Variants in MBTPS1 observed in about 807,000 individuals in gnomAD.
MBTPS1 encodes membrane bound transcription factor peptidase, site 1.
In MBTPS1, 94 loss-of-function variants were observed where a neutral mutation model predicts 127.8. The ratio of observed to expected loss-of-function variants is 0.74; its 90% CI spans 0.62 to 0.87. The LOEUF (loss-of-function observed/expected upper bound fraction) is 0.87. MBTPS1 is among the 40% of genes least tolerant of loss of function. The pLI, the probability that MBTPS1 is intolerant of heterozygous loss-of-function variation, is 0.00. For synonymous variants in MBTPS1, 632 were observed against 509.4 expected, an observed-to-expected ratio of 1.24 and a Z score of -3.24; for missense variants, 1,636 against 1,353.2, an observed-to-expected ratio of 1.21 and a Z score of -3.28.
At chr16:84,110,892 T>G (rs939528019) in intron 1 of MBTPS1, 2 of 152,234 alleles carry the variant, frequency 1.3e-5, no homozygotes, top group African/African-American at 4.8e-5. Context: ...AGATACACAC[T>G]GCAAGATTAT....
Position 84,070,720 on chromosome 16 carries a change from G to C in MBTPS1, c.1650C>G (p.Ser550=), listed in dbSNP as rs374741991. Residue 550 remains serine (S), a synonymous_variant, in exon 13 of 23, where the codon TCC becomes TCG. Coordinates refer to ENST00000343411, the MANE Select transcript of MBTPS1 (RefSeq NM_003791.4). The part of the protein sequence containing the change: ...QNGDNIEVAF[S]YSSVLWPWSG... ...ACCAAGGCCATAAGACCGAGGAGTA[G>C]GAGAAGGCAACTTCAATGTTGTCTC... 44 of 1,613,994 alleles carry C rather than the reference G, an allele frequency of 2.7e-5. No individual in the cohort carries two copies. Among genetic ancestry groups the C allele is most frequent in the Non-Finnish European group, 3.6e-5 (43 of 1,180,020 alleles).
At chr16:84,092,505 C>T (rs76515762) in intron 6 of MBTPS1, among the ~76,000 whole-genome samples, 11 of 152,040 alleles carry the variant, frequency 7.2e-5, no homozygotes, top group East Asian at 1.9e-4. Flanking sequence ...AGAAATTCTA[C>T]GAGGAGGTAT....
chr16:84,092,671 A>C (rs1301668722), intron 6 of MBTPS1, among the ~76,000 whole-genome samples: 1 of 152,306 alleles, frequency 6.6e-6, no homozygotes, highest in South Asian at 2.1e-4. Flanking sequence ...ATAACGAAAA[A>C]AGAAACAAAT....
chr16:84,114,709 A>T (rs1462017505), intron 1 of MBTPS1, among the ~76,000 whole-genome samples: 1 of 151,682 alleles, frequency 6.6e-6, no homozygotes, highest in Non-Finnish European at 1.5e-5. Context: ...GGGCACCTGC[A>T]GTCCCGGCTA....
chr16:84,056,279 A>T lies in MBTPS1; in HGVS notation c.2832-144T>A, dbSNP rs1356246500. 17 of 622,316 alleles carry T rather than the reference A, an allele frequency of 2.7e-5. No individual in the cohort carries two copies. The South Asian group carries it at 3.8e-4, about 14-fold the overall frequency. 38.5% of individuals were successfully genotyped at this position (622,316 alleles called of 1,614,324 possible). On this transcript the variant is annotated intron_variant, in intron 21 of 22. Coordinates refer to ENST00000343411, the MANE Select transcript of MBTPS1 (RefSeq NM_003791.4). Reference sequence around the variant, plus strand: ...TGCCATTTGCGTCCACGGCCACCTAAATGCCACTGACAGCAACTATGGTGG... The same window carrying T: ...TGCCATTTGCGTCCACGGCCACCTATATGCCACTGACAGCAACTATGGTGG...
At chr16:84,108,221 C>T (rs894617079) in intron 1 of MBTPS1, among the ~76,000 whole-genome samples, 6 of 152,048 alleles carry the variant, frequency 3.9e-5, no homozygotes, top group African/African-American at 1.4e-4. Context: ...GACAGGCAGA[C>T]AGAGCATGCA....
chr16:84,073,203 G>A (rs957181739), intron 12 of MBTPS1, among the ~76,000 whole-genome samples: 15 of 152,050 alleles, frequency 9.9e-5, no homozygotes, highest in East Asian at 1.9e-4. Flanking sequence ...GCATGATCTC[G>A]GCCCACTGCA....
chr16:84,073,653 T>A (rs2085806182), intron 12 of MBTPS1, among the ~76,000 whole-genome samples: 1 of 151,528 alleles, frequency 6.6e-6, no homozygotes, highest in African/African-American at 2.4e-5. Flanking sequence ...AGTTAAGATT[T>A]TTAAAAATTT....
chr16:84,097,576 A>G (rs571042120), intron 3 of MBTPS1, among the ~76,000 whole-genome samples: 204 of 152,324 alleles, frequency 1.3e-3, no homozygotes, highest in Admixed American at 7.4e-3. Context: ...TGCTAAAATT[A>G]GGCAACTCCG....
At chr16:84,091,072 C>T (rs998480752) in intron 7 of MBTPS1, 130 bp from the exon 8 acceptor site, 10 of 731,190 alleles carry the variant, frequency 1.4e-5, no homozygotes, top group African/African-American at 1.8e-5. Flanking sequence ...ATTATAAAGG[C>T]GGATGTGCTG....
intron 19 of MBTPS1, 116 bp from the exon 20 acceptor site, chr16:84,060,929 G>C (rs989053622): frequency 5.2e-6 from 5 of 966,368 alleles, no homozygotes; most frequent in Non-Finnish European, 7.5e-6. Context: ...GAGCTCCTGG[G>C]CTCAAGTGAT....
At position 84,065,786 on chromosome 16, in the gene MBTPS1, A is replaced by T; in HGVS notation, c.2354-19T>A. Reference sequence around the variant, plus strand: ...TAATACACTAGGAAAGAGTGTTCAAAGTCAAGGGAACACAGGAACGCCGAA... The same window carrying T: ...TAATACACTAGGAAAGAGTGTTCAATGTCAAGGGAACACAGGAACGCCGAA... On this transcript the variant is annotated intron_variant, in intron 17 of 22. Coordinates refer to ENST00000343411, the MANE Select transcript of MBTPS1 (RefSeq NM_003791.4). 6.6e-7 allele frequency: 1 copy of T among 1,511,252 alleles called. No homozygotes were observed. Among genetic ancestry groups the T allele is most frequent in the Non-Finnish European group, 8.9e-7 (1 of 1,118,058 alleles). 93.6% of individuals were successfully genotyped at this position (1,511,252 alleles called of 1,614,324 possible).
intron 10 of MBTPS1, among the ~76,000 whole-genome samples, chr16:84,084,106 CCCA>C (rs1176087306): frequency 3.3e-5 from 5 of 152,276 alleles, no homozygotes; most frequent in South Asian, 2.1e-4. Context: ...ATTACAGCCG[CCCA>C]CCACCACACC....
intron 4 of MBTPS1, among the ~76,000 whole-genome samples, chr16:84,095,140 C>T (rs2086161790): frequency 6.6e-6 from 1 of 152,216 alleles, no homozygotes; most frequent in Non-Finnish European, 1.5e-5. Context: ...CTTAGTCACT[C>T]TGCATTCAGG....
At chr16:84,084,909 G>C (rs116279066) in intron 10 of MBTPS1, 74 bp downstream of exon 10, 1 of 1,506,288 alleles carries the variant, frequency 6.6e-7, no homozygotes, top group Non-Finnish European at 9.1e-7. Flanking sequence ...AGCAAGACAC[G>C]ACTCCTGCTC....
At chr16:84,108,327 C>T (rs1222407840) in intron 1 of MBTPS1, among the ~76,000 whole-genome samples, 6 of 152,178 alleles carry the variant, frequency 3.9e-5, no homozygotes, top group Non-Finnish European at 5.9e-5. Context: ...TGCAATGGCA[C>T]GACCTCTGCT....
In MBTPS1 at chr16:84,104,816, T is replaced by C. The variant is rs377406545; in HGVS notation, c.-324-2709A>G. On this transcript the variant is annotated intron_variant, in intron 1 of 22. Transcript: ENST00000343411. ...GCGCGGTGGCTCACACCTGTAATCCTGGGTGTGATTCCACTTTAGGAGGCT... is the reference window on the plus strand; with the variant it reads ...GCGCGGTGGCTCACACCTGTAATCCCGGGTGTGATTCCACTTTAGGAGGCT... Among the ~76,000 whole-genome samples, 132 of 152,080 alleles carry C rather than the reference T, an allele frequency of 8.7e-4. 1 individual carries two copies. The highest frequency in any genetic ancestry group is 3.1e-3 in the African/African-American group (130 of 41,502).
intron 1 of MBTPS1, among the ~76,000 whole-genome samples, chr16:84,112,347 G>C (rs963366445): frequency 6.6e-6 from 1 of 152,096 alleles, no homozygotes; most frequent in African/African-American, 2.4e-5. Context: ...TTTATACTTA[G>C]ATAAAACATA....
chr16:84,057,357 T>A (rs953135378), intron 21 of MBTPS1: 1 of 152,274 alleles, frequency 6.6e-6, no homozygotes, highest in South Asian at 2.1e-4. Flanking sequence ...ATTTCCATTC[T>A]AACAGTGATA....
Sources: allele counts gnomAD v4.1 joint callset (sites outside exome capture counted in the v4.1 genomes callset), GRCh38; gene constraint gnomAD v4.1.1; transcripts MANE v1.5; gene names NCBI Gene and HGNC (gene_info 2026-07-23, HGNC 2026-07-21).